CFAP95: variants seen among roughly 807,000 people sequenced by gnomAD.
CFAP95 encodes the protein cilia- and flagella-associated protein 95.
At chr9:69,867,417 G>A in the CFAP95 span, among the ~76,000 whole-genome samples, 5 of 152,120 alleles carry the variant, frequency 3.3e-5, no homozygotes, top group African/African-American at 4.8e-5. Flanking sequence ...GGAAAGTCAG[G>A]TTTCTCTGTA....
the CFAP95 span, among the ~76,000 whole-genome samples, chr9:69,882,614 A>G: frequency 6.6e-6 from 1 of 152,152 alleles, no homozygotes; most frequent in African/African-American, 2.4e-5. Context: ...ATGTTGAAGT[A>G]TGTTCTTTCT....
chr9:69,850,245 C>A, the CFAP95 span, among the ~76,000 whole-genome samples: 1 of 152,198 alleles, frequency 6.6e-6, no homozygotes, highest in African/African-American at 2.4e-5. Flanking sequence ...AATACATGAG[C>A]AATTTATTAA....
At chr9:69,842,873 G>T in the CFAP95 span, among the ~76,000 whole-genome samples, 1 of 152,186 alleles carries the variant, frequency 6.6e-6, no homozygotes, top group Non-Finnish European at 1.5e-5. Flanking sequence ...CCCACCTTGG[G>T]CTCCCTTGCT....
At chr9:69,884,168 C>T in the CFAP95 span, among the ~76,000 whole-genome samples, 3 of 152,120 alleles carry the variant, frequency 2.0e-5, no homozygotes, top group Admixed American at 6.6e-5. Flanking sequence ...CTGAGAAGTA[C>T]ATATTTTAAT....
At chr9:69,904,786 C>T in the CFAP95 span, among the ~76,000 whole-genome samples, 1 of 152,102 alleles carries the variant, frequency 6.6e-6, no homozygotes, top group Non-Finnish European at 1.5e-5. Context: ...AGAAATAGCC[C>T]GAATGACAAA....
At chr9:69,847,137 C>G in the CFAP95 span, among the ~76,000 whole-genome samples, 10 of 152,134 alleles carry the variant, frequency 6.6e-5, no homozygotes, top group Non-Finnish European at 7.4e-5. Flanking sequence ...CAAGAAGAGA[C>G]TTGCCTAAGA....
the CFAP95 span, among the ~76,000 whole-genome samples, chr9:69,843,622 T>TTCG: frequency 7.2e-5 from 5 of 69,178 alleles, no homozygotes; most frequent in Non-Finnish European, 1.3e-4. Flanking sequence ...CTTCTTCTTC[T>TTCG]TCTTCTTCCT....
the CFAP95 span, among the ~76,000 whole-genome samples, chr9:69,855,988 T>C: frequency 6.6e-6 from 1 of 152,224 alleles, no homozygotes; most frequent in Non-Finnish European, 1.5e-5. Context: ...TCTAGAGTTT[T>C]GTATGGAGAA....
chr9:69,843,607 TTCTTCTTCTTCTTCTTCTTCTTCC>T, the CFAP95 span, among the ~76,000 whole-genome samples: 146 of 67,594 alleles, frequency 2.2e-3, 16 homozygotes, highest in African/African-American at 0.01. Context: ...CTTCTTCTTC[TTCTTCTTCTTCTTCTTCTTCTTCC>T]TCCTCCTCCT....
the CFAP95 span, chr9:69,905,913 A>T: frequency 7.3e-7 from 1 of 1,360,790 alleles, no homozygotes; most frequent in Non-Finnish European, 9.8e-7. Flanking sequence ...CTTTTTACAT[A>T]CTTCAGTTAT....
At chr9:69,863,960 T>A in the CFAP95 span, among the ~76,000 whole-genome samples, 5 of 151,968 alleles carry the variant, frequency 3.3e-5, no homozygotes, top group African/African-American at 1.2e-4. Context: ...AGAAGTCAGG[T>A]TTTTTTGATA....
chr9:69,885,439 C>A, the CFAP95 span, among the ~76,000 whole-genome samples: 1 of 152,284 alleles, frequency 6.6e-6, no homozygotes, highest in Non-Finnish European at 1.5e-5. Context: ...GGAGGTATAA[C>A]CTTTACAGAT....
At chr9:69,882,620 T>C in the CFAP95 span, among the ~76,000 whole-genome samples, 1 of 152,204 alleles carries the variant, frequency 6.6e-6, no homozygotes, top group Non-Finnish European at 1.5e-5. Context: ...AAGTATGTTC[T>C]TTCTATACTC....
the CFAP95 span, among the ~76,000 whole-genome samples, chr9:69,880,460 T>C: frequency 6.6e-6 from 1 of 152,224 alleles, no homozygotes; most frequent in Non-Finnish European, 1.5e-5. Flanking sequence ...GATCTCCTGT[T>C]CTATCAATGT....
chr9:69,824,322 G>A, the CFAP95 span, among the ~76,000 whole-genome samples: 10 of 152,082 alleles, frequency 6.6e-5, no homozygotes, highest in South Asian at 2.1e-4. Context: ...TATTATTTCC[G>A]GATTCTGTGT....
At chr9:69,833,309 G>A in the CFAP95 span, among the ~76,000 whole-genome samples, 1 of 151,962 alleles carries the variant, frequency 6.6e-6, no homozygotes, top group African/African-American at 2.4e-5. Context: ...TATTTTCAAG[G>A]TTCATCTGTG....
chr9:69,899,621 C>G, the CFAP95 span, among the ~76,000 whole-genome samples: 1 of 152,208 alleles, frequency 6.6e-6, no homozygotes, highest in Admixed American at 6.5e-5. Context: ...ACTTGGCTTT[C>G]AGGATAAGAA....
At chr9:69,858,025 C>T in the CFAP95 span, 1 of 1,576,666 alleles carries the variant, frequency 6.3e-7, no homozygotes, top group Non-Finnish European at 8.7e-7. Context: ...TTTCTTGATT[C>T]AGAAGGTTTG....
chr9:69,821,731 G>A, the CFAP95 span, among the ~76,000 whole-genome samples: 1 of 150,106 alleles, frequency 6.7e-6, no homozygotes, highest in African/African-American at 2.4e-5. Flanking sequence ...TTTGGCATGA[G>A]CTCTGTTTAC....
Sources: allele counts gnomAD v4.1 joint callset (sites outside exome capture counted in the v4.1 genomes callset), GRCh38; gene constraint gnomAD v4.1.1; transcripts MANE v1.5; gene names NCBI Gene and HGNC (gene_info 2026-07-23, HGNC 2026-07-21).